Variants in MAML1 observed in about 807,000 individuals in gnomAD.
MAML1 encodes mastermind-like protein 1.
In MAML1, 14 loss-of-function variants were observed where a neutral mutation model predicts 77.1. That is an observed-to-expected ratio of 0.18 (90% CI 0.12 to 0.28). The LOEUF (loss-of-function observed/expected upper bound fraction) is 0.28. MAML1 is among the 10% of genes least tolerant of loss of function. The pLI is 1.00. For synonymous variants in MAML1, 516 were observed against 551.9 expected, an observed-to-expected ratio of 0.93 and a Z score of 0.91; for missense variants, 1,217 against 1,327.8, an observed-to-expected ratio of 0.92 and a Z score of 1.30.
rs1186476253 is a variant in MAML1 at position 179,775,422 on chromosome 5, G to A, written c.*545G>A. On this transcript the variant is annotated 3_prime_UTR_variant, in exon 5 of 5. Transcript: ENST00000292599. ...CATTGGAAACCTAGGGTTTCCTTTTGATTAAGAGCCTTTTTTGTTTCTGCT... is the reference window on the plus strand; with the variant it reads ...CATTGGAAACCTAGGGTTTCCTTTTAATTAAGAGCCTTTTTTGTTTCTGCT... 1.0e-6 allele frequency: 1 copy of A among 985,344 alleles called. No individual in the cohort carries two copies. Among genetic ancestry groups the A allele is most frequent in the Non-Finnish European group, 1.2e-6 (1 of 829,934 alleles). 61.0% of individuals were successfully genotyped at this position (985,344 alleles called of 1,614,324 possible).
Position 179,772,787 on chromosome 5 carries a change from T to C in MAML1, c.2069-1108T>C, listed in dbSNP as rs1252222893. On this transcript the variant is annotated intron_variant, in intron 4 of 4. Coordinates refer to ENST00000292599, the MANE Select transcript of MAML1 (RefSeq NM_014757.5). ...ACAGTTCTGCACCTCCACCCCCCAT[T>C]CCCACATGGTCTGCCCTCCCTCATC... Among the ~76,000 whole-genome samples, 13 of 152,202 alleles carry C rather than the reference T, an allele frequency of 8.5e-5. No individual in the cohort carries two copies. The East Asian group carries it at 2.5e-3, about 29-fold the overall frequency.
At position 179,771,181 on chromosome 5, in the gene MAML1, C is replaced by T. The variant is rs758624364; in HGVS notation, c.2006C>T (p.Pro669Leu). 7 of 1,614,132 alleles carry T rather than the reference C, an allele frequency of 4.3e-6. No individual in the cohort carries two copies. The highest frequency in any genetic ancestry group is 3.3e-4 in the Middle Eastern group (2 of 6,062). Reference protein sequence around the residue: ...KQQFQRHLTRPPPQYQDPTQG... With the variant: ...KQQFQRHLTRLPPQYQDPTQG... The stretch of plus-strand genomic sequence containing the variant: ...CAGTTTCAGCGCCATCTGACCCGCC[C>T]ACCACCCCAGTACCAAGACCCGACA... Residue 669 changes from proline to leucine, a missense_variant, in exon 4 of 5, where the codon CCA (proline) becomes CTA (leucine). Pro to Leu is a moderately conservative substitution (Grantham distance 98, BLOSUM62 -3). Coordinates refer to ENST00000292599, the MANE Select transcript of MAML1 (RefSeq NM_014757.5). The surrounding 1 kb of genome is among the most constrained non-coding windows in gnomAD (Gnocchi z 4.7).
rs746362779 is a variant in MAML1, at chr5:179,766,474, C to T, written c.1464C>T (p.Asn488=). Residue 488 remains asparagine, a synonymous_variant, in exon 2 of 5, where the codon AAC becomes AAT. Coordinates refer to ENST00000292599, the MANE Select transcript of MAML1 (RefSeq NM_014757.5). This position sits in a 1 kb window ranked among gnomAD's most constrained non-coding sequence, Gnocchi z 4.0. Reference sequence around the variant, plus strand: ...CCTACCTCCAGCCCAGCCATGTGAACCTGCTGAGTCACCAGCCACCGAGTA... The same window carrying T: ...CCTACCTCCAGCCCAGCCATGTGAATCTGCTGAGTCACCAGCCACCGAGTA... The part of the protein sequence containing the change: ...GGPYLQPSHV[N]LLSHQPPSNL... 1 of 1,610,342 alleles carries T rather than the reference C, an allele frequency of 6.2e-7. No homozygotes were observed. Among genetic ancestry groups the T allele is most frequent in the South Asian group, 1.1e-5 (1 of 90,532 alleles).
intron 1 of MAML1, among the ~76,000 whole-genome samples, chr5:179,755,009 G>A (rs1779583326): frequency 6.6e-6 from 1 of 152,158 alleles, no homozygotes; most frequent in Admixed American, 6.6e-5. Context: ...TTGATAAGAC[G>A]CTAAAAGGTT....
chr5:179,772,179 C>T (rs1415301936), intron 4 of MAML1, among the ~76,000 whole-genome samples: 1 of 152,174 alleles, frequency 6.6e-6, no homozygotes, highest in Non-Finnish European at 1.5e-5. Flanking sequence ...AGTGCAGTGG[C>T]ACGATCTTGG....
rs71001044 is a variant in MAML1 at position 179,747,808 on chromosome 5, C to CAAAAAAA, written c.315+14396_315+14402dup. ...CCTGGGCGACAGCGAGACTCCATCT[C>CAAAAAAA]AAAAAAAAAAAAAAAAAAAAAGAAG... On this transcript the variant is annotated intron_variant, in intron 1 of 4. Coordinates refer to ENST00000292599, the MANE Select transcript of MAML1 (RefSeq NM_014757.5). Among the ~76,000 whole-genome samples the CAAAAAAA allele has an allele frequency of 9.4e-3, 369 of 39,294 alleles. 27 individuals carry two copies. Among genetic ancestry groups the CAAAAAAA allele is most frequent in the Middle Eastern group, 0.056 (2 of 36 alleles). The allele number at this position is 39,294 out of a possible 152,430, so 25.8% of individuals were successfully genotyped here.
At chr5:179,754,038 C>T (rs896075828) in intron 1 of MAML1, among the ~76,000 whole-genome samples, 2 of 151,910 alleles carry the variant, frequency 1.3e-5, no homozygotes, top group Non-Finnish European at 1.5e-5. Flanking sequence ...AATCTCAGCA[C>T]TTTGGGAGGT....
At chr5:179,762,894 TC>T (rs1251721910) in intron 1 of MAML1, among the ~76,000 whole-genome samples, 5 of 152,240 alleles carry the variant, frequency 3.3e-5, no homozygotes, top group African/African-American at 1.2e-4. Flanking sequence ...CCCTACTGTT[TC>T]CTTTGGTTAA....
Position 179,748,758 on chromosome 5 carries a change from A to G in MAML1, c.315+15331A>G, listed in dbSNP as rs557441431. 7.2e-5 allele frequency among the ~76,000 whole-genome samples: 11 copies of G among 152,320 alleles called. No individual in the cohort carries two copies. In the East Asian group the frequency reaches 1.3e-3, roughly 19 times the overall value. ...ATTGAGTTGATAGAAAAGATTTACAAGCTTCTGGATGGGAGGGTACCAGGT... is the reference window on the plus strand; with the variant it reads ...ATTGAGTTGATAGAAAAGATTTACAGGCTTCTGGATGGGAGGGTACCAGGT... On this transcript the variant is annotated intron_variant, in intron 1 of 4. Transcript: ENST00000292599.
intron 1 of MAML1, among the ~76,000 whole-genome samples, chr5:179,760,095 C>T (rs924694945): frequency 4.1e-5 from 6 of 147,786 alleles, no homozygotes; most frequent in African/African-American, 1.3e-4. Flanking sequence ...TCATCTGAGT[C>T]ATCACTCAAG....
intron 1 of MAML1, among the ~76,000 whole-genome samples, chr5:179,761,862 C>T (rs1033033709): frequency 7.2e-5 from 11 of 152,164 alleles, no homozygotes; most frequent in African/African-American, 2.7e-4. Context: ...CCTTCCTTTT[C>T]CCCACATCCC....
intron 1 of MAML1, among the ~76,000 whole-genome samples, chr5:179,749,741 T>C (rs945388041): frequency 3.3e-5 from 5 of 151,166 alleles, no homozygotes; most frequent in African/African-American, 1.2e-4. Flanking sequence ...GATCCTAGGG[T>C]GGCGGCTCTG....
Position 179,739,007 on chromosome 5 carries a change from C to A in MAML1, c.315+5580C>A, listed in dbSNP as rs1779226621. ...TCCTTTTCTTAGCTTCTCCTCTCTT[C>A]TGATTTCCTTTTCAGCTTTCTGACT... On this transcript the variant is annotated intron_variant, in intron 1 of 4. Coordinates refer to ENST00000292599, the MANE Select transcript of MAML1 (RefSeq NM_014757.5). Among the ~76,000 whole-genome samples the A allele has an allele frequency of 2.0e-5, 3 of 152,302 alleles. No individual in the cohort carries two copies. The South Asian group carries it at 6.2e-4, about 32-fold the overall frequency.
At chr5:179,748,714 A>G (rs1779429030) in intron 1 of MAML1, among the ~76,000 whole-genome samples, 1 of 152,228 alleles carries the variant, frequency 6.6e-6, no homozygotes, top group Admixed American at 6.5e-5. Context: ...GACCTGCACC[A>G]GGCATGGAAT....
Position 179,769,031 on chromosome 5 carries a change from A to C in MAML1, c.1913A>C (p.Gln638Pro), listed in dbSNP as rs1755905541. ...CAACAGAAACAAAGGGAGCAGCAGC[A>C]AAAGCATTTACAGCAACAGCAGTTC... ...LDQQKQREQQ[Q>P]KHLQQQQFLQ... is the part of the protein sequence containing the mutation. Residue 638 changes from glutamine to proline, a missense_variant, in exon 3 of 5, where the codon CAA (glutamine) becomes CCA (proline). By Grantham distance (76) the Gln-to-Pro change is moderately conservative (BLOSUM62 -1). Around this residue, in one of 3 missense-constraint regions of MAML1, gnomAD observed 884 missense variants for 949.3 expected, o/e 0.93. Coordinates refer to ENST00000292599, the MANE Select transcript of MAML1 (RefSeq NM_014757.5). The surrounding 1 kb of genome is among the most constrained non-coding windows in gnomAD (Gnocchi z 4.2). The C allele has an allele frequency of 6.2e-7, 1 of 1,614,236 alleles. No individual in the cohort carries two copies. Among genetic ancestry groups the C allele is most frequent in the Non-Finnish European group, 8.5e-7 (1 of 1,180,052 alleles).
intron 1 of MAML1, among the ~76,000 whole-genome samples, chr5:179,752,646 GC>G (rs1779518466): frequency 8.3e-6 from 1 of 120,608 alleles, no homozygotes; most frequent in South Asian, 2.7e-4. Flanking sequence ...TCGCTCTGTC[GC>G]CCAGGCTGGA....
chr5:179,748,897 T>C (rs1272715928), intron 1 of MAML1, among the ~76,000 whole-genome samples: 1 of 152,184 alleles, frequency 6.6e-6, no homozygotes, highest in Non-Finnish European at 1.5e-5. Flanking sequence ...TAACCTGGAC[T>C]TCTGTACCTA....
At chr5:179,763,134 A>G (rs1779752761) in intron 1 of MAML1, among the ~76,000 whole-genome samples, 1 of 152,252 alleles carries the variant, frequency 6.6e-6, no homozygotes, top group African/African-American at 2.4e-5. Flanking sequence ...GTTTACAGAT[A>G]GCCCAGACCT....
At chr5:179,767,066 T>A (rs2113376803) in intron 2 of MAML1, among the ~76,000 whole-genome samples, 1 of 152,210 alleles carries the variant, frequency 6.6e-6, no homozygotes. Flanking sequence ...AGATAAACAT[T>A]ACGTTTCACG....
Sources: allele counts gnomAD v4.1 joint callset (sites outside exome capture counted in the v4.1 genomes callset), GRCh38; gene constraint gnomAD v4.1.1; regional missense constraint gnomAD v4.1.1; non-coding constraint Gnocchi (gnomAD v3.1); transcripts MANE v1.5; gene names NCBI Gene and HGNC (gene_info 2026-07-23, HGNC 2026-07-21).